Variants in DNAJC1 observed in about 807,000 individuals in gnomAD.
DNAJC1 encodes dnaJ homolog subfamily C member 1.
DNAJC1 carries 58 observed loss-of-function variants against 76.6 expected under a neutral mutation model. The ratio of observed to expected loss-of-function variants is 0.76; its 90% CI spans 0.61 to 0.94. The LOEUF (loss-of-function observed/expected upper bound fraction) is 0.94. Ranked by LOEUF, DNAJC1 falls within the 40% of genes least tolerant of loss-of-function variation. The probability of loss-of-function intolerance (pLI) is 0.00; values close to 1 mark genes in which losing one functional copy is unlikely to be tolerated. For missense variants in DNAJC1, 689 were observed against 677.3 expected (o/e 1.02, Z -0.19); for synonymous variants, 258 against 267.9 (o/e 0.96, Z 0.36).
intron 6 of DNAJC1, among the ~76,000 whole-genome samples, chr10:21,911,220 G>C (rs1245809987): frequency 6.6e-6 from 1 of 152,018 alleles, no homozygotes; most frequent in African/African-American, 2.4e-5. Flanking sequence ...AAACAATATA[G>C]AGGATGTTCT....
intron 1 of DNAJC1, among the ~76,000 whole-genome samples, chr10:21,952,573 A>G (rs536868904): frequency 6.6e-6 from 1 of 152,350 alleles, no homozygotes; most frequent in South Asian, 2.1e-4. Flanking sequence ...CCTAGCCAAC[A>G]TGGTGAAAAC....
rs142677231 is a variant in DNAJC1 at position 21,798,463 on chromosome 10, TCTC to T, written c.1098+7514_1098+7516del. 3.1e-3 allele frequency among the ~76,000 whole-genome samples: 473 copies of T among 152,240 alleles called. 3 individuals are homozygous for T. The highest frequency in any genetic ancestry group is 0.011 in the African/African-American group (454 of 41,550). On this transcript the variant is annotated intron_variant, in intron 9 of 11. Coordinates refer to ENST00000376980, the MANE Select transcript of DNAJC1 (RefSeq NM_022365.4). ...TCAGACTCATTTCCTGTTATCTCCT[TCTC>T]CTACTCATGCCTTAGCCATATGGAC... is the stretch of plus-strand genomic sequence containing the variant.
At chr10:21,979,526 C>CA (rs1339326872) in intron 1 of DNAJC1, among the ~76,000 whole-genome samples, 1 of 151,974 alleles carries the variant, frequency 6.6e-6, no homozygotes, top group African/African-American at 2.4e-5. Flanking sequence ...CGCTGTACCT[C>CA]AACCCTATTT....
chr10:21,977,148 A>T (rs894595115), intron 1 of DNAJC1, among the ~76,000 whole-genome samples: 8 of 152,162 alleles, frequency 5.3e-5, no homozygotes, highest in Admixed American at 1.3e-4. Context: ...CAATTCTCAC[A>T]AACACAAAAG....
At chr10:21,875,156 C>T (rs1253608281) in intron 8 of DNAJC1, among the ~76,000 whole-genome samples, 6 of 152,146 alleles carry the variant, frequency 3.9e-5, no homozygotes, top group Admixed American at 3.3e-4. Flanking sequence ...GCTGGGATTA[C>T]AGGCTTCAGC....
chr10:21,804,102 G>T (rs1834852876), intron 9 of DNAJC1: 1 of 318,842 alleles, frequency 3.1e-6, no homozygotes, highest in Non-Finnish European at 4.5e-6. Flanking sequence ...ATGAGGCTTT[G>T]TTGGTTATAT....
intron 1 of DNAJC1, among the ~76,000 whole-genome samples, chr10:21,930,519 T>A (rs1372260546): frequency 6.6e-6 from 1 of 152,170 alleles, no homozygotes; most frequent in Non-Finnish European, 1.5e-5. Flanking sequence ...AGAGACAAAG[T>A]GAGGCTATAA....
intron 1 of DNAJC1, among the ~76,000 whole-genome samples, chr10:21,979,031 CAG>C (rs1245247237): frequency 2.0e-5 from 3 of 151,368 alleles, no homozygotes; most frequent in Admixed American, 6.6e-5. Context: ...TCTTATAATG[CAG>C]AGTTAGGTAT....
chr10:21,881,199 T>C (rs1836269648), intron 8 of DNAJC1, among the ~76,000 whole-genome samples: 2 of 152,354 alleles, frequency 1.3e-5, no homozygotes, highest in Admixed American at 6.5e-5. Flanking sequence ...CAAGAGAATG[T>C]TGTGGCTGAT....
At chr10:21,892,685 G>A (rs1212782408) in intron 7 of DNAJC1, among the ~76,000 whole-genome samples, 1 of 151,718 alleles carries the variant, frequency 6.6e-6, no homozygotes, top group East Asian at 1.9e-4. Context: ...TAAAAGGATT[G>A]GAAAGATATA....
intron 1 of DNAJC1, among the ~76,000 whole-genome samples, chr10:21,949,563 C>T (rs1182565638): frequency 6.6e-6 from 1 of 151,510 alleles, no homozygotes; most frequent in Non-Finnish European, 1.5e-5. Context: ...ATTACAGGCA[C>T]CTGCCACCAT....
chr10:21,881,032 G>A (rs529287412), intron 8 of DNAJC1, among the ~76,000 whole-genome samples: 22 of 152,328 alleles, frequency 1.4e-4, no homozygotes, highest in Admixed American at 1.4e-3. Flanking sequence ...ACTTGCTGCT[G>A]CACACTGTAC....
At chr10:21,990,599 T>A (rs1417496596) in intron 1 of DNAJC1, among the ~76,000 whole-genome samples, 1 of 152,172 alleles carries the variant, frequency 6.6e-6, no homozygotes, top group Non-Finnish European at 1.5e-5. Context: ...TGTTTCATAA[T>A]CCCTATGGTT....
chr10:21,956,819 A>AAC (rs3051926), intron 1 of DNAJC1, among the ~76,000 whole-genome samples: 4,259 of 142,120 alleles, frequency 0.03, 67 homozygotes, highest in Middle Eastern at 0.068. Context: ...GTTTATACAT[A>AAC]ACACACACAC....
intron 8 of DNAJC1, among the ~76,000 whole-genome samples, chr10:21,844,207 C>T (rs1027229247): frequency 2.0e-5 from 3 of 152,156 alleles, no homozygotes; most frequent in Non-Finnish European, 4.4e-5. Context: ...TGAAAATGGA[C>T]CAATATACTC....
chr10:21,999,984 C>T (rs1023536938), intron 1 of DNAJC1, among the ~76,000 whole-genome samples: 5 of 152,140 alleles, frequency 3.3e-5, no homozygotes, highest in African/African-American at 9.7e-5. Context: ...TTAACAGACA[C>T]CCCAAATTTA....
chr10:21,942,290 A>G (rs1837426251), intron 1 of DNAJC1, among the ~76,000 whole-genome samples: 1 of 152,200 alleles, frequency 6.6e-6, no homozygotes, highest in Non-Finnish European at 1.5e-5. Context: ...AAGTTAAAAC[A>G]GTCATAAACC....
At chr10:21,989,723 GGGACCTGCA>G (rs1423052450) in intron 1 of DNAJC1, among the ~76,000 whole-genome samples, 1 of 152,180 alleles carries the variant, frequency 6.6e-6, no homozygotes, top group Non-Finnish European at 1.5e-5. Context: ...ACCAGGCCAA[GGGACCTGCA>G]GGCTTGGTAT....
At chr10:21,955,890 T>C (rs1286773745) in intron 1 of DNAJC1, among the ~76,000 whole-genome samples, 2 of 152,234 alleles carry the variant, frequency 1.3e-5, no homozygotes, top group Non-Finnish European at 2.9e-5. Flanking sequence ...TTTTGCATTG[T>C]TGTAACAGAA....
Sources: allele counts gnomAD v4.1 joint callset (sites outside exome capture counted in the v4.1 genomes callset), GRCh38; gene constraint gnomAD v4.1.1; transcripts MANE v1.5; gene names NCBI Gene and HGNC (gene_info 2026-07-23, HGNC 2026-07-21).